The following PCDHA1 variants were observed in gnomAD, a reference collection of about 807,000 sequenced individuals.
PCDHA1 encodes protocadherin alpha-1.
In PCDHA1, 42 loss-of-function variants were observed where a neutral mutation model predicts 61.3. The observed-to-expected ratio is 0.69, with a 90% CI of 0.54 to 0.89. The LOEUF (loss-of-function observed/expected upper bound fraction) is 0.89, where lower values mean the gene tolerates loss of function less well. Among genes scored for constraint, PCDHA1 ranks in the 40% least tolerant of loss-of-function variants. The pLI is 0.00. For synonymous variants in PCDHA1, 610 were observed against 553.8 expected (o/e 1.10, Z -1.43); for missense variants, 1,256 against 1,235.3 (o/e 1.02, Z -0.25).
At chr5:140,858,308 C>T in intron 1 of PCDHA1, 1 of 1,597,268 alleles carries the variant, frequency 6.3e-7, no homozygotes, top group Non-Finnish European at 8.6e-7. Context: ...GCAGAGGCGG[C>T]AGAGGGTGTG....
At chr5:140,795,096 C>T in intron 1 of PCDHA1, 1 of 1,614,002 alleles carries the variant, frequency 6.2e-7, no homozygotes, top group Non-Finnish European at 8.5e-7. Context: ...ACGGCACCTT[C>T]GTGGGCCGCA....
At chr5:140,958,923 T>C (rs535689053) in intron 1 of PCDHA1, among the ~76,000 whole-genome samples, 1 of 148,814 alleles carries the variant, frequency 6.7e-6, no homozygotes, top group South Asian at 2.1e-4. Flanking sequence ...CTGGGTGTGG[T>C]GGCTCATACT....
intron 1 of PCDHA1, chr5:140,856,399 T>C (rs782023286): frequency 6.3e-7 from 1 of 1,598,492 alleles, no homozygotes; most frequent in Non-Finnish European, 8.6e-7. Context: ...AGGTTTTCCA[T>C]GTGGACGTGG....
intron 1 of PCDHA1, chr5:140,823,218 G>T (rs2150123612): frequency 6.2e-7 from 1 of 1,613,766 alleles, no homozygotes; most frequent in Non-Finnish European, 8.5e-7. Context: ...CACGGGACGC[G>T]GACGCGCAGG....
chr5:140,891,921 C>G (rs1405172226), intron 1 of PCDHA1, among the ~76,000 whole-genome samples: 1 of 152,234 alleles, frequency 6.6e-6, no homozygotes, highest in African/African-American at 2.4e-5. Flanking sequence ...ATGCTGGTGC[C>G]TTGATCTTGG....
intron 1 of PCDHA1, chr5:140,864,391 A>G (rs1554158881): frequency 6.6e-6 from 1 of 152,234 alleles, no homozygotes; most frequent in African/African-American, 2.4e-5. Context: ...TCTCTCACAA[A>G]TGGTGATGAG....
intron 1 of PCDHA1, among the ~76,000 whole-genome samples, chr5:140,798,196 C>A (rs1461943729): frequency 6.6e-6 from 1 of 152,056 alleles, no homozygotes; most frequent in Non-Finnish European, 1.5e-5. Flanking sequence ...TGAAAGCAGC[C>A]TGAGTGGATA....
intron 1 of PCDHA1, among the ~76,000 whole-genome samples, chr5:140,943,236 TCA>T (rs1454947972): frequency 5.6e-5 from 7 of 124,930 alleles, no homozygotes; most frequent in African/African-American, 1.9e-4. Flanking sequence ...CCAGCCTGGG[TCA>T]CAGAGTGAGA....
chr5:140,819,423 C>T (rs1376171246), intron 1 of PCDHA1, among the ~76,000 whole-genome samples: 2 of 152,120 alleles, frequency 1.3e-5, no homozygotes, highest in Non-Finnish European at 2.9e-5. Context: ...TAATATACTA[C>T]ACAGTTTTAA....
intron 1 of PCDHA1, among the ~76,000 whole-genome samples, chr5:140,903,182 G>A (rs1030121963): frequency 1.3e-5 from 2 of 152,164 alleles, no homozygotes; most frequent in Non-Finnish European, 2.9e-5. Flanking sequence ...CCCACCAATA[G>A]TATAAAAGAG....
chr5:140,802,556 G>A (rs1554122208), intron 1 of PCDHA1: 1 of 1,614,200 alleles, frequency 6.2e-7, no homozygotes, highest in Non-Finnish European at 8.5e-7. Context: ...ACAATGCGCC[G>A]GCATTCTCGC....
chr5:140,801,596 T>C (rs1554121556), intron 1 of PCDHA1: 1 of 1,614,148 alleles, frequency 6.2e-7, no homozygotes, highest in Non-Finnish European at 8.5e-7. Flanking sequence ...CGCCAGTTTT[T>C]CCAATGGCTG....
intron 1 of PCDHA1, chr5:140,848,723 G>T (rs2150418763): frequency 6.3e-7 from 1 of 1,592,604 alleles, no homozygotes; most frequent in South Asian, 1.1e-5. Context: ...ACCTTCTGGA[G>T]GTAAATCTGC....
Position 140,799,926 on chromosome 5 carries a change from A to G in PCDHA1, c.2394+11242A>G, listed in dbSNP as rs926608036. The stretch of plus-strand genomic sequence containing the variant: ...AATGCGGCGAGAATTCATGCTTCTC[A>G]TTGAATTCACAGATATCTTTAGAAT... On this transcript the variant is annotated intron_variant, in intron 1 of 3. Transcript: ENST00000504120. Among the ~76,000 whole-genome samples, 8 of 152,236 alleles carry G rather than the reference A, an allele frequency of 5.3e-5. No homozygotes were observed. The East Asian group carries it at 1.5e-3, about 29-fold the overall frequency.
At chr5:140,992,914 C>T (rs1383362253) in intron 3 of PCDHA1, among the ~76,000 whole-genome samples, 1 of 152,220 alleles carries the variant, frequency 6.6e-6, no homozygotes, top group African/African-American at 2.4e-5. Context: ...CTTAGGCCCT[C>T]TCCATACTTA....
intron 1 of PCDHA1, chr5:140,856,228 G>A: frequency 6.3e-7 from 1 of 1,598,094 alleles, no homozygotes; most frequent in Middle Eastern, 1.7e-4. Context: ...AGCTGGTGCA[G>A]CGCCTGTTCC....
intron 1 of PCDHA1, among the ~76,000 whole-genome samples, chr5:140,904,906 G>C (rs2071460962): frequency 6.6e-6 from 1 of 152,026 alleles, no homozygotes; most frequent in African/African-American, 2.4e-5. Context: ...TTTTCTTACT[G>C]ATTTGTTTGA....
chr5:140,978,175 G>A (rs1163383689), intron 1 of PCDHA1, among the ~76,000 whole-genome samples: 1 of 152,170 alleles, frequency 6.6e-6, no homozygotes, highest in Admixed American at 6.5e-5. Context: ...TTTGTAGAGA[G>A]AGGGCAACAG....
At chr5:140,916,628 C>T (rs1311862991) in intron 1 of PCDHA1, among the ~76,000 whole-genome samples, 1 of 152,188 alleles carries the variant, frequency 6.6e-6, no homozygotes, top group Non-Finnish European at 1.5e-5. Context: ...ACTCAATGCC[C>T]TATCCTACTG....
Sources: gnomAD v4.1 joint callset for allele counts (sites outside exome capture counted in the v4.1 genomes callset) on GRCh38, gnomAD v4.1.1 for gene constraint, MANE v1.5 for transcripts, NCBI Gene and HGNC (gene_info 2026-07-23, HGNC 2026-07-21) for gene names.